The following TOPAZ1 variants were observed in gnomAD, a reference collection of about 807,000 sequenced individuals.
The protein encoded by TOPAZ1 is testis and ovary specific TOPAZ 1.
TOPAZ1 carries 66 observed loss-of-function variants against 172.2 expected under a neutral mutation model. The ratio of observed to expected loss-of-function variants is 0.38; its 90% CI spans 0.31 to 0.47. TOPAZ1 has a LOEUF of 0.47. TOPAZ1 is among the 20% of genes least tolerant of loss of function. TOPAZ1 has a pLI of 0.99. For synonymous variants in TOPAZ1, 681 were observed against 683.9 expected (o/e 1.00, Z 0.07); for missense variants, 1,822 against 1,972.4 (o/e 0.92, Z 1.44).
intron 12 of TOPAZ1, among the ~76,000 whole-genome samples, chr3:44,301,068 T>C (rs73088468): frequency 0.18 from 27,544 of 152,132 alleles, 2,738 homozygotes; most frequent in Middle Eastern, 0.3. Context: ...TATGTAATAT[T>C]CCCGAGATAA....
At chr3:44,269,752 C>A (rs1222973170) in intron 7 of TOPAZ1, among the ~76,000 whole-genome samples, 1 of 151,904 alleles carries the variant, frequency 6.6e-6, no homozygotes, top group Non-Finnish European at 1.5e-5. Context: ...CTGCCTCAGC[C>A]TCCTGAGTAG....
Position 44,269,320 on chromosome 3 carries a change from A to T in TOPAZ1, c.3246+19A>T. ...TGTGGGGGTAAGTCTACTTTAAAAA[A>T]TAATAATAATCTGTCTCTTTCTCCT... On this transcript the variant is annotated intron_variant, in intron 7 of 19. Coordinates refer to ENST00000309765, the MANE Select transcript of TOPAZ1 (RefSeq NM_001145030.2). The T allele has an allele frequency of 7.0e-7, 1 of 1,422,806 alleles. No homozygotes were observed. Among genetic ancestry groups the T allele is most frequent in the African/African-American group, 1.4e-5 (1 of 70,334 alleles). The allele number at this position is 1,422,806 out of a possible 1,614,324, so 88.1% of individuals were successfully genotyped here.
chr3:44,321,648 T>G (rs1288424549), intron 17 of TOPAZ1, among the ~76,000 whole-genome samples: 1 of 152,202 alleles, frequency 6.6e-6, no homozygotes, highest in Non-Finnish European at 1.5e-5. Flanking sequence ...TGGGTGTCCA[T>G]GAGCAAAAGC....
chr3:44,303,010 T>A (rs1459139149), intron 12 of TOPAZ1, among the ~76,000 whole-genome samples: 2 of 152,092 alleles, frequency 1.3e-5, no homozygotes, highest in Non-Finnish European at 2.9e-5. Flanking sequence ...ACCCAGCTAA[T>A]TTTTGCAGAG....
chr3:44,271,687 TG>T (rs772091854), intron 8 of TOPAZ1, among the ~76,000 whole-genome samples: 6 of 152,190 alleles, frequency 3.9e-5, no homozygotes, highest in Non-Finnish European at 7.3e-5. Context: ...TTTATGAATA[TG>T]ATATGGAATA....
rs569579568 is a variant in TOPAZ1, at chr3:44,297,339, A to G, written c.3797+6453A>G. 3.3e-5 allele frequency among the ~76,000 whole-genome samples: 5 copies of G among 152,236 alleles called. No homozygotes were observed. The South Asian group carries it at 8.3e-4, about 25-fold the overall frequency. On this transcript the variant is annotated intron_variant, in intron 12 of 19. Transcript: ENST00000309765. ...ATTTCAAGAATGAAAAGATGGTTCA[A>G]TATTTGAAAATCAATGTAATTCATC...
At chr3:44,333,385 T>C (rs983152385), downstream of TOPAZ1, among the ~76,000 whole-genome samples, 1 of 152,090 alleles carries the variant, frequency 6.6e-6, no homozygotes, top group Admixed American at 6.6e-5. Flanking sequence ...GTGGAGCACC[T>C]AGGAAATGAA....
At position 44,244,610 on chromosome 3, in the gene TOPAZ1, G is replaced by C. The variant is rs111585223; in HGVS notation, c.2104G>C (p.Val702Leu). 9 of 1,550,920 alleles carry C rather than the reference G, an allele frequency of 5.8e-6. No individual in the cohort carries two copies. The highest frequency in any genetic ancestry group is 5.5e-5 in the African/African-American group (4 of 73,070). ...LKNKSEKRKEVNAKSSEREAY... is the reference protein window; with the variant it reads ...LKNKSEKRKELNAKSSEREAY... Reference sequence around the variant, plus strand: ...GAATAAATCAGAAAAAAGAAAAGAAGTAAATGCCAAGTCATCAGAGAGAGA... The same window carrying C: ...GAATAAATCAGAAAAAAGAAAAGAACTAAATGCCAAGTCATCAGAGAGAGA... The change falls in exon 2 of 20, where the codon GTA (valine) becomes CTA (leucine). Residue 702 changes from valine to leucine, a missense_variant. By Grantham distance (32) the Val-to-Leu change is conservative (BLOSUM62 1). Transcript: ENST00000309765.
At chr3:44,329,614 A>G (rs1212158992) in intron 19 of TOPAZ1, among the ~76,000 whole-genome samples, 2 of 152,230 alleles carry the variant, frequency 1.3e-5, no homozygotes, top group Non-Finnish European at 2.9e-5. Flanking sequence ...AGATGGTAGC[A>G]TAAGACACAA....
chr3:44,244,425 A>G lies in TOPAZ1; in HGVS notation c.1919A>G (p.Asn640Ser), dbSNP rs1010703241. The G allele has an allele frequency of 7.1e-6, 11 of 1,551,402 alleles. No individual in the cohort carries two copies. The Middle Eastern group carries it at 5.0e-4, about 70-fold the overall frequency. Residue 640 changes from asparagine to serine, a missense_variant, in exon 2 of 20, where the codon AAT becomes AGT. Physicochemically the swap from Asn to Ser is conservative, Grantham distance 46. Around this residue, in one of 2 missense-constraint regions of TOPAZ1, gnomAD observed 1,489 missense variants for 1,490.8 expected, o/e 1.00. Transcript: ENST00000309765. ...KKARGNLTKL[N>S]LTATSKDGQE... The stretch of plus-strand genomic sequence containing the variant: ...GCTAGAGGAAATTTAACGAAACTTA[A>G]TTTGACAGCGACTTCCAAAGATGGT...
At chr3:44,263,579 A>T (rs993076638) in intron 5 of TOPAZ1, among the ~76,000 whole-genome samples, 1 of 152,236 alleles carries the variant, frequency 6.6e-6, no homozygotes, top group Non-Finnish European at 1.5e-5. Context: ...TGGGGAGAGA[A>T]GTGAATATCT....
intron 18 of TOPAZ1, among the ~76,000 whole-genome samples, chr3:44,327,919 A>G (rs1224016899): frequency 6.6e-6 from 1 of 151,690 alleles, no homozygotes; most frequent in African/African-American, 2.4e-5. Flanking sequence ...TAATTTTTGT[A>G]TTTTAGTAGG....
chr3:44,324,339 C>T (rs60145424), intron 18 of TOPAZ1, among the ~76,000 whole-genome samples: 142 of 152,056 alleles, frequency 9.3e-4, no homozygotes, highest in African/African-American at 3.4e-3. Context: ...GTTCATAACA[C>T]CTAATTTCAA....
chr3:44,284,188 A>G (rs182566498), intron 9 of TOPAZ1, among the ~76,000 whole-genome samples: 101 of 152,324 alleles, frequency 6.6e-4, no homozygotes, highest in Middle Eastern at 6.8e-3. Flanking sequence ...AGTACATTCA[A>G]TGTTGTGTAA....
chr3:44,245,547 T>C (rs1489729415), intron 2 of TOPAZ1, among the ~76,000 whole-genome samples: 2 of 146,902 alleles, frequency 1.4e-5, no homozygotes, highest in Non-Finnish European at 3.0e-5. Flanking sequence ...TTTTTTTTTT[T>C]TTTTTTTTTA....
chr3:44,250,868 A>T (rs1699622179), intron 2 of TOPAZ1, among the ~76,000 whole-genome samples: 1 of 152,120 alleles, frequency 6.6e-6, no homozygotes, highest in Admixed American at 6.5e-5. Flanking sequence ...ACAGTATTGT[A>T]CGTGATTGAA....
intron 9 of TOPAZ1, among the ~76,000 whole-genome samples, chr3:44,283,150 T>G (rs1433616717): frequency 6.6e-6 from 1 of 151,364 alleles, no homozygotes; most frequent in Non-Finnish European, 1.5e-5. Context: ...GAATTTTGCT[T>G]TAAAACAATG....
At chr3:44,251,776 T>A (rs1699634634) in intron 2 of TOPAZ1, among the ~76,000 whole-genome samples, 1 of 152,168 alleles carries the variant, frequency 6.6e-6, no homozygotes, top group South Asian at 2.1e-4. Context: ...CTCCTCTCCT[T>A]TTTACTTAGA....
intron 5 of TOPAZ1, among the ~76,000 whole-genome samples, chr3:44,265,335 G>A (rs1051017641): frequency 1.1e-4 from 16 of 152,202 alleles, no homozygotes; most frequent in Non-Finnish European, 2.9e-5. Context: ...GCCAAGGTGG[G>A]TGGATCACAA....
Sources: allele counts gnomAD v4.1 joint callset (sites outside exome capture counted in the v4.1 genomes callset), GRCh38; gene constraint gnomAD v4.1.1; regional missense constraint gnomAD v4.1.1; transcripts MANE v1.5; gene names NCBI Gene and HGNC (gene_info 2026-07-23, HGNC 2026-07-21).